The following CSMD1 variants were observed in gnomAD, a reference collection of about 807,000 sequenced individuals.
CSMD1 encodes CUB and Sushi multiple domains 1.
Under a neutral mutation model 417.5 loss-of-function variants are expected in CSMD1, and 213 were observed. That is an observed-to-expected ratio of 0.51 (90% CI 0.46 to 0.57). CSMD1 has a LOEUF of 0.57. Ranked by LOEUF, CSMD1 falls within the 20% of genes least tolerant of loss-of-function variation. The pLI is 0.00. For synonymous variants in CSMD1, 2,862 were observed against 1,736.8 expected, an observed-to-expected ratio of 1.65 and a Z score of -16.11; for missense variants, 6,923 against 4,529.7, an observed-to-expected ratio of 1.53 and a Z score of -15.17.
intron 2 of CSMD1, among the ~76,000 whole-genome samples, chr8:4,534,839 T>A (rs1032776506): frequency 6.6e-6 from 1 of 152,132 alleles, no homozygotes; most frequent in Non-Finnish European, 1.5e-5. Context: ...CTCAGCTCGA[T>A]GCAAGCTCCG....
chr8:4,913,004 G>T (rs147797693), intron 1 of CSMD1, among the ~76,000 whole-genome samples: 1 of 152,070 alleles, frequency 6.6e-6, no homozygotes, highest in Non-Finnish European at 1.5e-5. Flanking sequence ...GGCCAGGATA[G>T]TCTCGAACTC....
intron 1 of CSMD1, among the ~76,000 whole-genome samples, chr8:4,818,013 G>T (rs1173661299): frequency 3.9e-5 from 6 of 152,070 alleles, no homozygotes; most frequent in Non-Finnish European, 8.8e-5. Flanking sequence ...TTATAATAAG[G>T]TTCAGTCAGC....
intron 25 of CSMD1, among the ~76,000 whole-genome samples, chr8:3,296,708 G>A (rs575644575): frequency 2.0e-5 from 3 of 152,298 alleles, no homozygotes; most frequent in African/African-American, 7.2e-5. Context: ...AACAGGCTTG[G>A]AAGAGGTGTG....
intron 3 of CSMD1, among the ~76,000 whole-genome samples, chr8:4,159,884 G>C (rs550327789): frequency 3.3e-5 from 5 of 152,140 alleles, no homozygotes; most frequent in South Asian, 2.1e-4. Flanking sequence ...GTGCGAGCTA[G>C]CCTATGAGGA....
chr8:3,914,259 G>A (rs1215723603), intron 5 of CSMD1, among the ~76,000 whole-genome samples: 2 of 152,134 alleles, frequency 1.3e-5, no homozygotes, highest in Non-Finnish European at 2.9e-5. Flanking sequence ...GCTAGTTAGA[G>A]AGGTTGCATA....
At chr8:4,152,475 G>C (rs1796618834) in intron 3 of CSMD1, among the ~76,000 whole-genome samples, 1 of 151,158 alleles carries the variant, frequency 6.6e-6, no homozygotes, top group Admixed American at 6.6e-5. Context: ...AGCAGTTTGG[G>C]CCAAGGAGTA....
chr8:4,225,813 C>G (rs1349901566), intron 3 of CSMD1, among the ~76,000 whole-genome samples: 9 of 151,990 alleles, frequency 5.9e-5, no homozygotes, highest in Non-Finnish European at 1.2e-4. Context: ...GCATGACATT[C>G]TTAGATGTAA....
At chr8:3,161,208 T>C (rs1819871110) in intron 38 of CSMD1, among the ~76,000 whole-genome samples, 1 of 152,206 alleles carries the variant, frequency 6.6e-6, no homozygotes, top group South Asian at 2.1e-4. Flanking sequence ...TAGACACTAT[T>C]CTGAGAGTAG....
intron 3 of CSMD1, among the ~76,000 whole-genome samples, chr8:4,240,210 C>A (rs1186923251): frequency 6.6e-6 from 1 of 152,240 alleles, no homozygotes; most frequent in Non-Finnish European, 1.5e-5. Flanking sequence ...ATTTTGACAA[C>A]CGGCTGCAGA....
At chr8:4,195,709 G>A (rs553172477) in intron 3 of CSMD1, among the ~76,000 whole-genome samples, 16 of 152,250 alleles carry the variant, frequency 1.1e-4, no homozygotes, top group Admixed American at 2.6e-4. Flanking sequence ...GAGAAATTGT[G>A]GAAATGGCCC....
chr8:3,598,859 G>A (rs1282743179), intron 8 of CSMD1, among the ~76,000 whole-genome samples: 1 of 152,070 alleles, frequency 6.6e-6, no homozygotes, highest in African/African-American at 2.4e-5. Context: ...GACACAGGTG[G>A]ATCACAAGGT....
chr8:4,284,979 C>T (rs968341390), intron 3 of CSMD1, among the ~76,000 whole-genome samples: 1 of 152,188 alleles, frequency 6.6e-6, no homozygotes, highest in African/African-American at 2.4e-5. Context: ...CCTCGCCTCA[C>T]CATGCCTCGG....
intron 3 of CSMD1, among the ~76,000 whole-genome samples, chr8:4,323,536 A>C (rs1008680270): frequency 6.6e-6 from 1 of 152,096 alleles, no homozygotes; most frequent in Non-Finnish European, 1.5e-5. Flanking sequence ...GATCCTGACC[A>C]GTGTGGGTGA....
chr8:4,299,503 GA>G (rs1554522268), intron 3 of CSMD1, among the ~76,000 whole-genome samples: 2 of 152,200 alleles, frequency 1.3e-5, no homozygotes, highest in Non-Finnish European at 2.9e-5. Flanking sequence ...TCATGTGGTA[GA>G]CACCTTGTAA....
rs573267520 is a variant in CSMD1 at position 4,432,953 on chromosome 8, G to A, written c.303-12888C>T. On this transcript the variant is annotated intron_variant, in intron 2 of 69. Transcript: ENST00000635120. ...TTCACAGCTGCTCCCCATGGCTCAC[G>A]TTACCAGCTGAGCTCCACCCTCCTG... is the stretch of plus-strand genomic sequence containing the variant. Among the ~76,000 whole-genome samples, 5 of 152,278 alleles carry A rather than the reference G, an allele frequency of 3.3e-5. No individual in the cohort carries two copies. In the South Asian group the frequency reaches 8.3e-4, roughly 25 times the overall value.
intron 3 of CSMD1, among the ~76,000 whole-genome samples, chr8:4,036,141 A>C (rs893006974): frequency 1.7e-4 from 26 of 152,186 alleles, no homozygotes; most frequent in Admixed American, 2.6e-4. Context: ...CTAGGTGCGT[A>C]GTAGGCCGCA....
At position 3,369,199 on chromosome 8, in the gene CSMD1, G is replaced by A. The variant is rs187045715; in HGVS notation, c.2899+55C>T. 2.2e-5 allele frequency: 19 copies of A among 856,148 alleles called. 1 individual carries two copies. The highest frequency in any genetic ancestry group is 1.3e-4 in the Admixed American group (6 of 46,326). The allele number at this position is 856,148 out of a possible 1,614,324, so 53.0% of individuals were successfully genotyped here. A position where few individuals can be genotyped will look rare whatever the true frequency, so the allele number is the denominator to read the frequency against. On this transcript the variant is annotated intron_variant, in intron 19 of 69. Transcript: ENST00000635120. Reference sequence around the variant, plus strand: ...CGTAATATGTTTTTGTTTTGTTCCCGTTTTTCTGTCTCATTTATTAGTCTG... The same window carrying A: ...CGTAATATGTTTTTGTTTTGTTCCCATTTTTCTGTCTCATTTATTAGTCTG...
rs186225996 is a variant in CSMD1, at chr8:3,104,245, T to A, written c.6949+2283A>T. Among the ~76,000 whole-genome samples, 750 of 152,182 alleles carry A rather than the reference T, an allele frequency of 4.9e-3. 6 individuals are homozygous for A. Among genetic ancestry groups the A allele is most frequent in the African/African-American group, 0.017 (696 of 41,540 alleles). On this transcript the variant is annotated intron_variant, in intron 46 of 69. Coordinates refer to ENST00000635120, the MANE Select transcript of CSMD1 (RefSeq NM_033225.6). ...TGGCAGAAGATGAACACTTTTTATA[T>A]CCCCCCACCTTGAGGAAAGAATCCA...
At chr8:4,590,890 T>C (rs903855500) in intron 2 of CSMD1, among the ~76,000 whole-genome samples, 4 of 152,242 alleles carry the variant, frequency 2.6e-5, no homozygotes, top group Non-Finnish European at 4.4e-5. Flanking sequence ...GAACTCATCG[T>C]ACACATTTCT....
Sources: allele counts gnomAD v4.1 joint callset (sites outside exome capture counted in the v4.1 genomes callset), GRCh38; gene constraint gnomAD v4.1.1; transcripts MANE v1.5; gene names NCBI Gene and HGNC (gene_info 2026-07-23, HGNC 2026-07-21).